Variants in DOCK9 observed in about 807,000 individuals in gnomAD.
The protein encoded by DOCK9 is dedicator of cytokinesis 9.
A neutral mutation model predicts 263.3 loss-of-function variants in DOCK9; 89 were observed. That is an observed-to-expected ratio of 0.34 (90% confidence interval 0.28 to 0.40). The LOEUF (loss-of-function observed/expected upper bound fraction) is 0.40. DOCK9 is among the 10% of genes least tolerant of loss of function. The pLI is 1.00. For missense variants in DOCK9, 2,140 were observed against 2,603.4 expected (o/e 0.82, Z 3.87); for synonymous variants, 976 against 973.1 (o/e 1.00, Z -0.06).
intron 9 of DOCK9, among the ~76,000 whole-genome samples, chr13:98,909,229 C>T (rs901724903): frequency 5.3e-5 from 8 of 152,136 alleles, no homozygotes; most frequent in Admixed American, 4.6e-4. Context: ...AAACCAAGGG[C>T]GATTCCCCCA....
chr13:98,825,909 G>T lies in DOCK9; in HGVS notation c.5023+921C>A. ...TCCTCAGGCAGGCGCTATGGCTGTG[G>T]GGGAGAAGGGGCGGCTCCCACTGGA... On this transcript the variant is annotated intron_variant, in intron 44 of 52. Transcript: ENST00000682017. The surrounding 1 kb of genome is among the most constrained non-coding windows in gnomAD (Gnocchi z 4.1). 2 of 1,555,178 alleles carry T rather than the reference G, an allele frequency of 1.3e-6. No homozygotes were observed. The highest frequency in any genetic ancestry group is 1.7e-6 in the Non-Finnish European group (2 of 1,149,570).
chr13:98,926,910 A>G (rs1208893450), intron 3 of DOCK9, among the ~76,000 whole-genome samples: 1 of 152,118 alleles, frequency 6.6e-6, no homozygotes, highest in Non-Finnish European at 1.5e-5. Flanking sequence ...CTTTCACTTC[A>G]TCGTTTCTAC....
intron 48 of DOCK9, among the ~76,000 whole-genome samples, chr13:98,806,862 T>C (rs1163348698): frequency 1.3e-5 from 2 of 149,104 alleles, no homozygotes; most frequent in African/African-American, 5.0e-5. Flanking sequence ...TGAGCTGAGA[T>C]AGCGCCACTG....
intron 39 of DOCK9, among the ~76,000 whole-genome samples, chr13:98,836,680 C>T (rs1021458497): frequency 6.6e-6 from 1 of 151,974 alleles, no homozygotes; most frequent in Admixed American, 6.6e-5. Context: ...AGAGGGGTGG[C>T]GGCTAAGGAG....
chr13:98,856,321 C>T lies in DOCK9; in HGVS notation c.3698-290G>A, dbSNP rs77672475. 256 of 232,888 alleles carry T rather than the reference C, an allele frequency of 1.1e-3. 5 individuals are homozygous for T. In the East Asian group the frequency reaches 0.023, roughly 21 times the overall value. The allele number at this position is 232,888 out of a possible 1,614,324, so 14.4% of individuals were successfully genotyped here. On this transcript the variant is annotated intron_variant, in intron 33 of 52. Coordinates refer to ENST00000682017, the MANE Select transcript of DOCK9 (RefSeq NM_001366683.2). ...GTTTCAGAATGTGATAGAATGAAGA[C>T]TTAAAAAAATTAAAAGATAAATCCA...
chr13:99,011,650 T>A (rs1884504086), intron 1 of DOCK9, among the ~76,000 whole-genome samples: 2 of 152,146 alleles, frequency 1.3e-5, no homozygotes, highest in African/African-American at 2.4e-5. Flanking sequence ...TTAGACATAC[T>A]CACTCATTTA....
chr13:98,796,994 G>C, intron 52 of DOCK9, 121 bp downstream of exon 52: 1 of 1,046,622 alleles, frequency 9.6e-7, no homozygotes, highest in Non-Finnish European at 1.4e-6. Flanking sequence ...AGTGTGGTAT[G>C]CTACATTCTC....
intron 2 of DOCK9, among the ~76,000 whole-genome samples, chr13:98,932,285 C>T (rs767766535): frequency 4.0e-4 from 61 of 152,088 alleles, no homozygotes; most frequent in Non-Finnish European, 6.9e-4. Flanking sequence ...ATCCCAGCTA[C>T]TCGGGAGGCT....
intron 10 of DOCK9, among the ~76,000 whole-genome samples, chr13:98,903,945 G>A (rs532582960): frequency 6.6e-6 from 1 of 152,132 alleles, no homozygotes; most frequent in Non-Finnish European, 1.5e-5. Context: ...TCACAGAGTA[G>A]AACAGAGGTT....
intron 2 of DOCK9, among the ~76,000 whole-genome samples, chr13:98,944,610 C>T (rs1235690952): frequency 3.3e-5 from 5 of 152,146 alleles, no homozygotes; most frequent in Non-Finnish European, 7.3e-5. Flanking sequence ...AATCACATCC[C>T]CTACAGTCCT....
At chr13:98,877,526 G>T (rs899274066) in intron 27 of DOCK9, among the ~76,000 whole-genome samples, 1 of 152,000 alleles carries the variant, frequency 6.6e-6, no homozygotes, top group African/African-American at 2.4e-5. Flanking sequence ...TGTGGTGCTG[G>T]GTCCTAAGCT....
intron 1 of DOCK9, among the ~76,000 whole-genome samples, chr13:99,070,102 T>G (rs1043150852): frequency 6.6e-6 from 1 of 152,228 alleles, no homozygotes; most frequent in Non-Finnish European, 1.5e-5. Flanking sequence ...GAGCATTTAA[T>G]GCAGGGCTCT....
At chr13:99,051,787 C>A (rs1290252253) in intron 1 of DOCK9, among the ~76,000 whole-genome samples, 1 of 141,764 alleles carries the variant, frequency 7.1e-6, no homozygotes, top group Non-Finnish European at 1.5e-5. Context: ...GCAAGTACAC[C>A]CTATCAAAAT....
chr13:99,009,006 G>C (rs1883996268), intron 1 of DOCK9, among the ~76,000 whole-genome samples: 1 of 152,202 alleles, frequency 6.6e-6, no homozygotes, highest in Admixed American at 6.5e-5. Flanking sequence ...AATGATATCT[G>C]GAAAGGTTGT....
intron 1 of DOCK9, among the ~76,000 whole-genome samples, chr13:98,987,044 T>C (rs1157377676): frequency 1.3e-5 from 2 of 152,114 alleles, no homozygotes; most frequent in Admixed American, 1.3e-4. Context: ...CAAAGGTCAC[T>C]GCAGCACCAT....
chr13:98,959,384 CA>C (rs1288377864), intron 1 of DOCK9: 1 of 152,184 alleles, frequency 6.6e-6, no homozygotes, highest in Admixed American at 6.5e-5. Flanking sequence ...TAAAAATTTT[CA>C]ACTTGTACAA....
At chr13:98,950,531 AG>A in intron 2 of DOCK9, 1 of 352,860 alleles carries the variant, frequency 2.8e-6, no homozygotes. Flanking sequence ...TTGAACTTCT[AG>A]GCTTAAGCAA....
chr13:99,033,834 C>T (rs1431886600), intron 1 of DOCK9, among the ~76,000 whole-genome samples: 9 of 152,112 alleles, frequency 5.9e-5, no homozygotes, highest in African/African-American at 9.7e-5. Flanking sequence ...CCCAGAAGAA[C>T]CTCAAATGCT....
intron 1 of DOCK9, among the ~76,000 whole-genome samples, chr13:99,027,690 G>A (rs1886912821): frequency 1.3e-5 from 2 of 152,204 alleles, no homozygotes. Flanking sequence ...AATATTAATT[G>A]CTATTCCAGC....
Sources: allele counts gnomAD v4.1 joint callset (sites outside exome capture counted in the v4.1 genomes callset), GRCh38; gene constraint gnomAD v4.1.1; non-coding constraint Gnocchi (gnomAD v3.1); transcripts MANE v1.5; gene names NCBI Gene and HGNC (gene_info 2026-07-23, HGNC 2026-07-21).